Variants in SLCO1C1 observed in about 807,000 individuals in gnomAD.
SLCO1C1 encodes OAT-RP-5.
A neutral mutation model predicts 76.4 loss-of-function variants in SLCO1C1; 70 were observed. The observed-to-expected ratio is 0.92, with a 90% CI of 0.76 to 1.12. The LOEUF is 1.12. Among genes scored for constraint, SLCO1C1 ranks in the 50% most tolerant of loss-of-function variants. The probability of loss-of-function intolerance (pLI) is 0.00; values close to 1 mark genes in which losing one functional copy is unlikely to be tolerated. For synonymous variants in SLCO1C1, 306 were observed against 286.1 expected (o/e 1.07, Z -0.70); for missense variants, 912 against 823.8 (o/e 1.11, Z -1.31).
intron 1 of SLCO1C1, chr12:20,696,917 T>A (rs555353540): frequency 6.6e-6 from 1 of 152,100 alleles, no homozygotes; most frequent in East Asian, 1.9e-4. Flanking sequence ...AGCTATGCAG[T>A]GCCAATAGTT....
chr12:20,740,812 T>TATATAC, intron 12 of SLCO1C1, among the ~76,000 whole-genome samples: 1 of 132,454 alleles, frequency 7.5e-6, no homozygotes, highest in East Asian at 2.3e-4. Flanking sequence ...TATATATATA[T>TATATAC]ATATATGGCT....
At chr12:20,713,085 T>TA (rs1243908581) in intron 5 of SLCO1C1, among the ~76,000 whole-genome samples, 1 of 149,144 alleles carries the variant, frequency 6.7e-6, no homozygotes, top group Non-Finnish European at 1.5e-5. Flanking sequence ...GATGTTTTCT[T>TA]TTTTTTTTTT....
At chr12:20,717,538 T>C (rs979289913) in intron 7 of SLCO1C1, among the ~76,000 whole-genome samples, 7 of 151,828 alleles carry the variant, frequency 4.6e-5, no homozygotes, top group East Asian at 1.9e-4. Flanking sequence ...TTGGCTCTTA[T>C]TGGCTTCAGG....
At chr12:20,730,906 C>T (rs1026393583) in intron 9 of SLCO1C1, among the ~76,000 whole-genome samples, 3 of 152,074 alleles carry the variant, frequency 2.0e-5, no homozygotes, top group African/African-American at 4.8e-5. Flanking sequence ...AGGGGGCTGC[C>T]GGCACTAGGG....
At chr12:20,698,596 A>G (rs1414782109) in intron 1 of SLCO1C1, among the ~76,000 whole-genome samples, 1 of 152,094 alleles carries the variant, frequency 6.6e-6, no homozygotes, top group Non-Finnish European at 1.5e-5. Context: ...CAGTCAGAAT[A>G]GATTTCTGCC....
rs1472307924 is a variant in SLCO1C1, at chr12:20,740,244, A to G, written c.1609A>G (p.Ile537Val). 1.2e-6 allele frequency: 2 copies of G among 1,613,934 alleles called. No individual in the cohort carries two copies. Among genetic ancestry groups the G allele is most frequent in the Non-Finnish European group, 1.7e-6 (2 of 1,179,942 alleles). The change falls in exon 12 of 15, where the codon ATA (isoleucine) becomes GTA (valine). Residue 537 changes from isoleucine (I) to valine (V), a missense_variant. By Grantham distance (29) the Ile-to-Val change is conservative. Transcript: ENST00000266509. ...AASKSGNSSG[I>V]VGRCQKDNGC... ...TTCTAAATCCGGAAATTCCTCAGGC[A>G]TAGTGGGAAGATGTCAGAAAGACAA... is the stretch of plus-strand genomic sequence containing the variant.
At chr12:20,733,981 G>A (rs1290109289) in intron 10 of SLCO1C1, among the ~76,000 whole-genome samples, 2 of 152,038 alleles carry the variant, frequency 1.3e-5, no homozygotes, top group Non-Finnish European at 2.9e-5. Context: ...AAAAATTATC[G>A]AGTCTCCATC....
At chr12:20,702,303 A>C in intron 3 of SLCO1C1, among the ~76,000 whole-genome samples, 1 of 151,896 alleles carries the variant, frequency 6.6e-6, no homozygotes, top group Admixed American at 6.6e-5. Context: ...ATTTCTTTTC[A>C]TACATACTAT....
chr12:20,745,332 G>GGTT (rs1948992656), intron 13 of SLCO1C1, among the ~76,000 whole-genome samples: 1 of 152,010 alleles, frequency 6.6e-6, no homozygotes, highest in South Asian at 2.1e-4. Context: ...AAGCATACAT[G>GGTT]AAAAACTTTA....
chr12:20,717,648 C>CTTTTTTTTT lies in SLCO1C1; in HGVS notation c.775+454_775+462dup, dbSNP rs534946900. Reference sequence around the variant, plus strand: ...GTCTACTGGCAACCAAACAGCCCTTCTTTTTTTTTTTTTTTTTTTTTTTTT... The same window carrying CTTTTTTTTT: ...GTCTACTGGCAACCAAACAGCCCTTCTTTTTTTTTTTTTTTTTTTTTTTTTTTTTTTTTT... On this transcript the variant is annotated intron_variant, in intron 7 of 14. Coordinates refer to ENST00000266509, the MANE Select transcript of SLCO1C1 (RefSeq NM_017435.5). 1.6e-3 allele frequency among the ~76,000 whole-genome samples: 69 copies of CTTTTTTTTT among 42,322 alleles called. 1 individual carries two copies. The highest frequency in any genetic ancestry group is 2.0e-3 in the Admixed American group (6 of 3,054). The allele number at this position is 42,322 out of a possible 152,430, so 27.8% of individuals were successfully genotyped here.
Position 20,737,177 on chromosome 12 carries a change from A to G in SLCO1C1, c.1453A>G (p.Thr485Ala). 1 of 1,566,290 alleles carries G rather than the reference A, an allele frequency of 6.4e-7. No homozygotes were observed. The highest frequency in any genetic ancestry group is 8.6e-7 in the Non-Finnish European group (1 of 1,162,730). ...DCNSRCKCSE[T>A]KWEPMCGENG... ...CAACTCAAGATGCAAATGTTCAGAG[A>G]CAAAATGGGAACCCATGTGCGGTGA... The change falls in exon 11 of 15, where the codon ACA becomes GCA. Residue 485 changes from threonine (T) to alanine (A), a missense_variant. By Grantham distance (58) the Thr-to-Ala change is moderately conservative. Transcript: ENST00000266509.
intron 7 of SLCO1C1, among the ~76,000 whole-genome samples, chr12:20,717,784 A>G (rs1412799571): frequency 6.7e-6 from 1 of 150,122 alleles, no homozygotes; most frequent in Admixed American, 6.7e-5. Flanking sequence ...TGTAGGAAAT[A>G]AATGGCAAAG....
intron 13 of SLCO1C1, among the ~76,000 whole-genome samples, chr12:20,745,533 A>C (rs1357502017): frequency 6.6e-6 from 1 of 152,184 alleles, no homozygotes; most frequent in Non-Finnish European, 1.5e-5. Context: ...ATAAAATAAA[A>C]AAATTCAAAG....
intron 1 of SLCO1C1, among the ~76,000 whole-genome samples, chr12:20,696,455 G>C (rs1157024027): frequency 1.3e-5 from 2 of 152,112 alleles, no homozygotes; most frequent in African/African-American, 4.8e-5. Context: ...ACATCTGCGG[G>C]ATCTAACTAC....
intron 5 of SLCO1C1, 65 bp from the exon 6 acceptor site, chr12:20,715,074 G>A: frequency 6.3e-7 from 1 of 1,583,008 alleles, no homozygotes; most frequent in Non-Finnish European, 8.6e-7. Context: ...CGGTAGAAAT[G>A]CAGAATAAAT....
At position 20,742,021 on chromosome 12, in the gene SLCO1C1, A is replaced by C. The variant is rs183437279; in HGVS notation, c.1734-1284A>C. Among the ~76,000 whole-genome samples, 4 of 152,346 alleles carry C rather than the reference A, an allele frequency of 2.6e-5. No individual in the cohort carries two copies. In the East Asian group the frequency reaches 7.7e-4, roughly 29 times the overall value. Reference sequence around the variant, plus strand: ...ATCATAGAAATTGTTTAGGAATGACAAACAGAAAACAGAACTTATTATCCA... The same window carrying C: ...ATCATAGAAATTGTTTAGGAATGACCAACAGAAAACAGAACTTATTATCCA... On this transcript the variant is annotated intron_variant, in intron 12 of 14. Coordinates refer to ENST00000266509, the MANE Select transcript of SLCO1C1 (RefSeq NM_017435.5).
chr12:20,728,643 TAGGAG>T (rs1049437005), intron 9 of SLCO1C1, among the ~76,000 whole-genome samples: 3 of 151,896 alleles, frequency 2.0e-5, no homozygotes, highest in African/African-American at 4.8e-5. Context: ...TGAACTTTAC[TAGGAG>T]AGAAGTTCTA....
chr12:20,697,282 C>G (rs1004191822), intron 1 of SLCO1C1: 3 of 151,884 alleles, frequency 2.0e-5, no homozygotes, highest in Non-Finnish European at 4.4e-5. Context: ...AACAGAAGGC[C>G]AATTTGAATT....
rs528830051 is a variant in SLCO1C1, at chr12:20,697,379, G to C, written c.-26+1572G>C. 12 of 152,124 alleles carry C rather than the reference G, an allele frequency of 7.9e-5. No individual in the cohort carries two copies. The East Asian group carries it at 2.3e-3, about 30-fold the overall frequency. 9.4% of individuals were successfully genotyped at this position (152,124 alleles called of 1,614,324 possible). On this transcript the variant is annotated intron_variant, in intron 1 of 14. Coordinates refer to ENST00000266509, the MANE Select transcript of SLCO1C1 (RefSeq NM_017435.5). ...TCTTATTTTAAAACCTTTCTGGTTT[G>C]TATATCTCTTGCTTGGCAATATTTT...
Sources: allele counts gnomAD v4.1 joint callset (sites outside exome capture counted in the v4.1 genomes callset), GRCh38; gene constraint gnomAD v4.1.1; transcripts MANE v1.5; gene names NCBI Gene and HGNC (gene_info 2026-07-23, HGNC 2026-07-21).